XPR1: variants seen among roughly 807,000 people sequenced by gnomAD.
The protein encoded by XPR1 is xenotropic and polytropic retrovirus receptor 1, also known as solute carrier family 53 member 1.
Under a neutral mutation model 87.5 loss-of-function variants are expected in XPR1, and 28 were observed. The observed-to-expected ratio is 0.32, with a 90% CI of 0.24 to 0.44. The LOEUF is 0.44. XPR1 is among the 20% of genes least tolerant of loss of function. The pLI is 1.00. For synonymous variants in XPR1, 300 were observed against 306.1 expected, an observed-to-expected ratio of 0.98 and a Z score of 0.21; for missense variants, 559 against 862.3, an observed-to-expected ratio of 0.65 and a Z score of 4.41.
At chr1:180,725,925 A>G (rs1658321597) in intron 2 of XPR1, among the ~76,000 whole-genome samples, 2 of 152,348 alleles carry the variant, frequency 1.3e-5, no homozygotes, top group Middle Eastern at 3.4e-3. Context: ...ATCTACTTCA[A>G]ATTATTATGA....
At chr1:180,655,734 G>T (rs1655436926) in intron 1 of XPR1, among the ~76,000 whole-genome samples, 1 of 151,326 alleles carries the variant, frequency 6.6e-6, no homozygotes, top group Non-Finnish European at 1.5e-5. Context: ...CTTACATTTA[G>T]GTCTTTTATC....
chr1:180,691,639 T>C (rs886674736), intron 2 of XPR1, among the ~76,000 whole-genome samples: 4 of 152,172 alleles, frequency 2.6e-5, no homozygotes, highest in African/African-American at 7.2e-5. Context: ...ACAGGTTTTG[T>C]TAGAAATTTT....
Position 180,757,573 on chromosome 1 carries a change from A to G in XPR1, c.122-30180A>G, listed in dbSNP as rs148181456. 2.0e-4 allele frequency among the ~76,000 whole-genome samples: 30 copies of G among 150,848 alleles called. No individual in the cohort carries two copies. In the East Asian group the frequency reaches 2.5e-3, roughly 13 times the overall value. Reference sequence around the variant, plus strand: ...GTCCATGCTGGAGTGCAGTGGCCCAATCATGGTTCACTGCATCACTACAAC... The same window carrying G: ...GTCCATGCTGGAGTGCAGTGGCCCAGTCATGGTTCACTGCATCACTACAAC... On this transcript the variant is annotated intron_variant, in intron 2 of 14. Coordinates refer to ENST00000367590, the MANE Select transcript of XPR1 (RefSeq NM_004736.4).
At chr1:180,777,632 C>T (rs1227080782) in intron 2 of XPR1, among the ~76,000 whole-genome samples, 1 of 152,034 alleles carries the variant, frequency 6.6e-6, no homozygotes, top group Non-Finnish European at 1.5e-5. Context: ...GAAATCTTTG[C>T]CATATGCTTT....
At chr1:180,767,274 C>A (rs1349987559) in intron 2 of XPR1, among the ~76,000 whole-genome samples, 1 of 152,098 alleles carries the variant, frequency 6.6e-6, no homozygotes, top group African/African-American at 2.4e-5. Flanking sequence ...TCACTCCCTT[C>A]AAAATAAAAC....
chr1:180,808,051 T>C (rs1650065204), intron 6 of XPR1, among the ~76,000 whole-genome samples: 1 of 152,040 alleles, frequency 6.6e-6, no homozygotes, highest in African/African-American at 2.4e-5. Flanking sequence ...CAAAGCAACT[T>C]TGGAACATAA....
At chr1:180,748,057 GGT>G (rs1647334414) in intron 2 of XPR1, among the ~76,000 whole-genome samples, 1 of 152,128 alleles carries the variant, frequency 6.6e-6, no homozygotes, top group South Asian at 2.1e-4. Flanking sequence ...TTGATAACCT[GGT>G]AGGTACCATA....
chr1:180,640,490 T>C (rs982926603), intron 1 of XPR1, among the ~76,000 whole-genome samples: 1 of 152,274 alleles, frequency 6.6e-6, no homozygotes, highest in Admixed American at 6.5e-5. Context: ...TATGGCGTAC[T>C]GTTTTATGAA....
At chr1:180,732,094 G>A (rs1364460144) in intron 2 of XPR1, among the ~76,000 whole-genome samples, 1 of 151,582 alleles carries the variant, frequency 6.6e-6, no homozygotes, top group Non-Finnish European at 1.5e-5. Context: ...TCGGGAGCCT[G>A]AGGCAGGAGA....
At chr1:180,643,558 G>A (rs1486956596) in intron 1 of XPR1, among the ~76,000 whole-genome samples, 2 of 152,146 alleles carry the variant, frequency 1.3e-5, no homozygotes, top group Non-Finnish European at 2.9e-5. Context: ...CATATTTGTT[G>A]AATGAATTAT....
chr1:180,747,954 A>G (rs1180873717), intron 2 of XPR1, among the ~76,000 whole-genome samples: 1 of 152,248 alleles, frequency 6.6e-6, no homozygotes, highest in Non-Finnish European at 1.5e-5. Flanking sequence ...CAACCAAAAC[A>G]AAACAAAACA....
In XPR1 at chr1:180,827,880, A is replaced by ATTT. The variant is rs11445781; in HGVS notation, c.1134+2548_1134+2550dup. Among the ~76,000 whole-genome samples, 64 of 142,766 alleles carry ATTT rather than the reference A, an allele frequency of 4.5e-4. 1 individual carries two copies. Among genetic ancestry groups the ATTT allele is most frequent in the African/African-American group, 1.6e-3 (61 of 38,780 alleles). The allele number at this position is 142,766 out of a possible 152,430, so 93.7% of individuals were successfully genotyped here. A position where few individuals can be genotyped will look rare whatever the true frequency, so the allele number is the denominator to read the frequency against. ...GTACATTTCTTTCTTTTTTTCTTTA[A>ATTT]TTTTTTTTTTTTTTGAGACAGGGTC... is the stretch of plus-strand genomic sequence containing the variant. On this transcript the variant is annotated intron_variant, in intron 9 of 14. Transcript: ENST00000367590.
rs75169023 is a variant in XPR1, at chr1:180,826,391, T to G, written c.1134+1047T>G. On this transcript the variant is annotated intron_variant, in intron 9 of 14. Transcript: ENST00000367590. ...ATGGTGTAAACCCTGTTTACAAAAA[T>G]TAAAAAATTAGCTGGGTGTGATGGT... 3.9e-3 allele frequency among the ~76,000 whole-genome samples: 596 copies of G among 151,642 alleles called. 5 individuals are homozygous for G. The highest frequency in any genetic ancestry group is 0.014 in the African/African-American group (563 of 41,388).
chr1:180,768,107 G>T (rs1244525146), intron 2 of XPR1, among the ~76,000 whole-genome samples: 1 of 152,082 alleles, frequency 6.6e-6, no homozygotes, highest in Non-Finnish European at 1.5e-5. Flanking sequence ...GCCTCCCAAC[G>T]TGCTGGGATT....
chr1:180,726,905 C>G (rs1436731096), intron 2 of XPR1, among the ~76,000 whole-genome samples: 1 of 148,122 alleles, frequency 6.8e-6, no homozygotes, highest in African/African-American at 2.5e-5. Flanking sequence ...GATGGAGTCT[C>G]GCTTTGGCGC....
chr1:180,722,793 G>C (rs1658217586), intron 2 of XPR1, among the ~76,000 whole-genome samples: 1 of 152,146 alleles, frequency 6.6e-6, no homozygotes, highest in Non-Finnish European at 1.5e-5. Flanking sequence ...GGACTGGGAA[G>C]AGCATGATTA....
At chr1:180,861,278 T>C (rs1394165830) in intron 11 of XPR1, among the ~76,000 whole-genome samples, 1 of 152,084 alleles carries the variant, frequency 6.6e-6, no homozygotes, top group Non-Finnish European at 1.5e-5. Context: ...ATAAATAAGT[T>C]CCTTGCCTTT....
chr1:180,713,739 A>G (rs1299588993), intron 2 of XPR1, among the ~76,000 whole-genome samples: 1 of 152,204 alleles, frequency 6.6e-6, no homozygotes, highest in Admixed American at 6.5e-5. Context: ...TGGTCATTAC[A>G]TATCCTTTTT....
chr1:180,759,475 T>A (rs1372390011), intron 2 of XPR1, among the ~76,000 whole-genome samples: 2 of 152,140 alleles, frequency 1.3e-5, no homozygotes, highest in African/African-American at 4.8e-5. Context: ...CATCAGAGAA[T>A]ACTACAAACA....
Sources: allele counts gnomAD v4.1 joint callset (sites outside exome capture counted in the v4.1 genomes callset), GRCh38; gene constraint gnomAD v4.1.1; transcripts MANE v1.5; gene names NCBI Gene and HGNC (gene_info 2026-07-23, HGNC 2026-07-21).